The following SRGAP3 variants were observed in gnomAD, a reference collection of about 807,000 sequenced individuals.
SRGAP3 encodes SLIT-ROBO Rho GTPase-activating protein 3.
In SRGAP3, 39 loss-of-function variants were observed where a neutral mutation model predicts 121.1. The observed-to-expected ratio is 0.32, with a 90% CI of 0.25 to 0.42. SRGAP3 has a LOEUF of 0.42. SRGAP3 is among the 10% of genes least tolerant of loss of function. SRGAP3 has a pLI of 1.00. For synonymous variants in SRGAP3, 601 were observed against 570.0 expected, an observed-to-expected ratio of 1.05 and a Z score of -0.77; for missense variants, 1,213 against 1,470.6, an observed-to-expected ratio of 0.82 and a Z score of 2.86.
chr3:9,259,071 G>T (rs1283563475), intron 3 of SRGAP3, among the ~76,000 whole-genome samples: 1 of 152,100 alleles, frequency 6.6e-6, no homozygotes, highest in African/African-American at 2.4e-5. Flanking sequence ...GGCCATGCTT[G>T]GCCTTCTTAT....
At chr3:9,071,658 GGA>G (rs1946726707) in intron 4 of SRGAP3, among the ~76,000 whole-genome samples, 1 of 151,516 alleles carries the variant, frequency 6.6e-6, no homozygotes, top group Admixed American at 6.6e-5. Context: ...ATGGATGGAT[GGA>G]TGGATGGATG....
At chr3:8,988,151 G>C (rs981161602) in intron 21 of SRGAP3, among the ~76,000 whole-genome samples, 1 of 152,208 alleles carries the variant, frequency 6.6e-6, no homozygotes, top group African/African-American at 2.4e-5. Context: ...CTGAGCGGCA[G>C]AGAGGCCCTG....
At chr3:8,986,813 G>C (rs1321321473) in intron 21 of SRGAP3, among the ~76,000 whole-genome samples, 5 of 152,160 alleles carry the variant, frequency 3.3e-5, no homozygotes, top group Non-Finnish European at 5.9e-5. Flanking sequence ...TATAATATCT[G>C]AGAGCTCATC....
intron 12 of SRGAP3, among the ~76,000 whole-genome samples, chr3:9,032,022 G>A (rs922618557): frequency 1.3e-5 from 2 of 152,152 alleles, no homozygotes; most frequent in African/African-American, 4.8e-5. Context: ...AACTCGCCTA[G>A]CTAAACTACT....
chr3:9,343,496 T>A (rs909855336), intron 1 of SRGAP3, among the ~76,000 whole-genome samples: 1 of 152,240 alleles, frequency 6.6e-6, no homozygotes, highest in African/African-American at 2.4e-5. Flanking sequence ...TTGTAAATAC[T>A]TTTTTCTTTT....
intron 12 of SRGAP3, among the ~76,000 whole-genome samples, chr3:9,030,670 T>A (rs961494038): frequency 1.1e-5 from 1 of 91,320 alleles, no homozygotes; most frequent in Admixed American, 9.6e-5. Flanking sequence ...ATCTTATATA[T>A]AGGACCCCTC....
intron 4 of SRGAP3, among the ~76,000 whole-genome samples, chr3:9,071,466 G>C (rs1270481579): frequency 6.6e-6 from 1 of 152,292 alleles, no homozygotes; most frequent in South Asian, 2.1e-4. Context: ...GGCTTCACTG[G>C]AAACACTGGG....
intron 3 of SRGAP3, among the ~76,000 whole-genome samples, chr3:9,298,338 G>C (rs1467382552): frequency 2.0e-5 from 3 of 152,150 alleles, no homozygotes; most frequent in Non-Finnish European, 4.4e-5. Context: ...CACAGTAACA[G>C]AAGGAAAAAG....
intron 3 of SRGAP3, among the ~76,000 whole-genome samples, chr3:9,318,543 G>C (rs927714662): frequency 1.3e-5 from 2 of 151,604 alleles, no homozygotes; most frequent in Non-Finnish European, 2.9e-5. Flanking sequence ...CCACATGCAG[G>C]TGCCCTCAAT....
At chr3:9,295,931 A>G (rs1163395903) in intron 3 of SRGAP3, among the ~76,000 whole-genome samples, 1 of 152,166 alleles carries the variant, frequency 6.6e-6, no homozygotes, top group Non-Finnish European at 1.5e-5. Flanking sequence ...AATTAACATC[A>G]TGTCTTCAAG....
chr3:9,032,623 C>T (rs372878922), intron 12 of SRGAP3, 27 bp downstream of exon 12: 118 of 1,603,776 alleles, frequency 7.4e-5, no homozygotes, highest in Non-Finnish European at 9.0e-5. Context: ...GGTGCATTCG[C>T]GGACTCCACG....
chr3:9,006,468 A>G (rs1161765), intron 18 of SRGAP3, among the ~76,000 whole-genome samples: 125,912 of 151,384 alleles, frequency 0.83, 52,837 homozygotes, highest in African/African-American at 0.94. Flanking sequence ...TGCATAAATC[A>G]ACTAATGTCA....
intron 1 of SRGAP3, among the ~76,000 whole-genome samples, chr3:9,240,848 A>G (rs940053196): frequency 1.7e-4 from 26 of 152,182 alleles, no homozygotes; most frequent in South Asian, 2.1e-4. Context: ...TGCAGTGGAC[A>G]CTTTCCCAAA....
intron 21 of SRGAP3, among the ~76,000 whole-genome samples, chr3:8,988,001 T>G (rs1401099462): frequency 2.0e-5 from 3 of 152,106 alleles, no homozygotes; most frequent in Non-Finnish European, 4.4e-5. Context: ...TTACTGCCCC[T>G]CTACCACCAT....
Position 8,985,619 on chromosome 3 carries a change from C to G in SRGAP3, c.3200G>C (p.Arg1067Pro). 1 of 1,595,874 alleles carries G rather than the reference C, an allele frequency of 6.3e-7. No individual in the cohort carries two copies. Among genetic ancestry groups the G allele is most frequent in the Non-Finnish European group, 8.5e-7 (1 of 1,178,052 alleles). The part of the protein sequence containing the change: ...MRPVRPVVQH[R>P]SSSSSSSGVG... ...GCCCGAGCTGCTGCTGCTGCTGGAC[C>G]GGTGCTGGACCACCGGCCGCACGGG... Residue 1067 changes from arginine (R) to proline (P), a missense_variant, in exon 22 of 22, where the codon CGG becomes CCG. By Grantham distance (103) the Arg-to-Pro change is moderately radical (BLOSUM62 -2). Around this residue, in one of 2 missense-constraint regions of SRGAP3, gnomAD observed 420 missense variants for 437.7 expected, o/e 0.96. Transcript: ENST00000383836. The surrounding 1 kb of genome is among the most constrained non-coding windows in gnomAD (Gnocchi z 5.1).
At chr3:9,301,127 A>G (rs1477601170) in intron 3 of SRGAP3, among the ~76,000 whole-genome samples, 2 of 152,158 alleles carry the variant, frequency 1.3e-5, no homozygotes, top group African/African-American at 4.8e-5. Flanking sequence ...TTCGTTTTTT[A>G]ACTTCCTACA....
At chr3:9,302,367 C>G (rs929154009) in intron 3 of SRGAP3, among the ~76,000 whole-genome samples, 1 of 152,212 alleles carries the variant, frequency 6.6e-6, no homozygotes, top group Non-Finnish European at 1.5e-5. Context: ...CTCCCAAACA[C>G]TCGCTCTACT....
chr3:9,123,809 G>GAA (rs748277888), intron 2 of SRGAP3, among the ~76,000 whole-genome samples: 28 of 150,462 alleles, frequency 1.9e-4, no homozygotes, highest in Non-Finnish European at 3.1e-4. Context: ...GAGAGAGAGA[G>GAA]AAACAGGACA....
At chr3:9,007,222 A>C (rs1171605076) in intron 18 of SRGAP3, 2 of 152,042 alleles carry the variant, frequency 1.3e-5, no homozygotes, top group African/African-American at 2.4e-5. Flanking sequence ...TGCCCACCTC[A>C]ACTTCCCAAA....
Sources: gnomAD v4.1 joint callset for allele counts (sites outside exome capture counted in the v4.1 genomes callset) on GRCh38, gnomAD v4.1.1 for gene constraint, gnomAD v4.1.1 regional missense constraint, Gnocchi (gnomAD v3.1) non-coding constraint, MANE v1.5 for transcripts, NCBI Gene and HGNC (gene_info 2026-07-23, HGNC 2026-07-21) for gene names.